SCAPER: variants seen among roughly 807,000 people sequenced by gnomAD.
The protein encoded by SCAPER is S-phase cyclin A associated protein in the ER, also known as S phase cyclin A-associated protein in the endoplasmic reticulum.
SCAPER carries 98 observed loss-of-function variants against 182.2 expected under a neutral mutation model. The ratio of observed to expected loss-of-function variants is 0.54; its 90% CI spans 0.46 to 0.64. The LOEUF (loss-of-function observed/expected upper bound fraction) is 0.64. SCAPER is among the 30% of genes least tolerant of loss of function. SCAPER has a pLI of 0.00. For synonymous variants in SCAPER, 605 were observed against 564.6 expected (o/e 1.07, Z -1.01); for missense variants, 1,432 against 1,690.0 (o/e 0.85, Z 2.68).
intron 4 of SCAPER, among the ~76,000 whole-genome samples, chr15:76,851,477 T>C (rs1464299803): frequency 6.6e-6 from 1 of 152,110 alleles, no homozygotes; most frequent in Non-Finnish European, 1.5e-5. Flanking sequence ...GGGAACCTCA[T>C]AAAGCTAACA....
intron 23 of SCAPER, 77 bp from the exon 24 acceptor site, chr15:76,505,051 A>G: frequency 1.0e-6 from 1 of 954,370 alleles, no homozygotes; most frequent in Non-Finnish European, 1.6e-6. Context: ...TGTAGTCTGA[A>G]ACATACTGAT....
In SCAPER at chr15:76,491,711, A is replaced by C. The variant is rs118144587; in HGVS notation, c.2954+13148T>G. 9.8e-3 allele frequency among the ~76,000 whole-genome samples: 1,495 copies of C among 152,256 alleles called. 6 individuals carry two copies. Among genetic ancestry groups the C allele is most frequent in the Non-Finnish European group, 0.016 (1,091 of 68,022 alleles). On this transcript the variant is annotated intron_variant, in intron 24 of 31. Transcript: ENST00000563290. ...CAGTGGTGTGACCTAAGCTCACTGC[A>C]ACCCCCGCCTCCTGGGTTTAAGTGA...
intron 22 of SCAPER, among the ~76,000 whole-genome samples, chr15:76,608,077 C>G (rs1017475079): frequency 6.6e-6 from 1 of 152,206 alleles, no homozygotes; most frequent in Non-Finnish European, 1.5e-5. Context: ...CGTTCCTTTG[C>G]AGGAGGAGAG....
chr15:76,712,674 C>T (rs1219811601), intron 17 of SCAPER, among the ~76,000 whole-genome samples: 1 of 151,960 alleles, frequency 6.6e-6, no homozygotes, highest in Admixed American at 6.6e-5. Context: ...AGTTGGATTC[C>T]TAGGTATTTT....
chr15:76,667,430 T>C (rs933337180), intron 20 of SCAPER, among the ~76,000 whole-genome samples: 1 of 152,042 alleles, frequency 6.6e-6, no homozygotes, highest in South Asian at 2.1e-4. Context: ...ACTCACCTAA[T>C]GCAGTAACTT....
intron 4 of SCAPER, among the ~76,000 whole-genome samples, chr15:76,851,371 C>T (rs2070738899): frequency 6.6e-6 from 1 of 151,880 alleles, no homozygotes; most frequent in African/African-American, 2.4e-5. Flanking sequence ...AAGATCAACC[C>T]CCAAGACATG....
intron 23 of SCAPER, among the ~76,000 whole-genome samples, chr15:76,545,444 C>T (rs944169437): frequency 2.6e-5 from 4 of 152,022 alleles, no homozygotes; most frequent in South Asian, 2.1e-4. Context: ...CCTTTGATGC[C>T]GTTATAGTGT....
chr15:76,422,269 T>C (rs931953535), intron 26 of SCAPER, among the ~76,000 whole-genome samples: 3 of 152,206 alleles, frequency 2.0e-5, no homozygotes, highest in Non-Finnish European at 4.4e-5. Flanking sequence ...TGTTCTTTCA[T>C]TTGTTTGTGT....
At chr15:76,466,419 C>CTTTTTTTTTTTTTTTTTTTTTTTTTTT in intron 25 of SCAPER, among the ~76,000 whole-genome samples, 38 of 37,410 alleles carry the variant, frequency 1.0e-3, no homozygotes, top group South Asian at 1.7e-3. Context: ...GTTGGTTCTT[C>CTTTTTTTTTTTTTTTTTTTTTTTTTTT]TTTTTTTTTT....
At chr15:76,414,539 C>T (rs1192910280) in intron 26 of SCAPER, among the ~76,000 whole-genome samples, 1 of 151,632 alleles carries the variant, frequency 6.6e-6, no homozygotes, top group East Asian at 1.9e-4. Flanking sequence ...ACGATGGAAG[C>T]CAGAAGACCA....
chr15:76,841,865 T>C lies in SCAPER; in HGVS notation c.262A>G (p.Thr88Ala). 6.2e-7 allele frequency: 1 copy of C among 1,613,946 alleles called. No homozygotes were observed. Residue 88 changes from threonine to alanine, a missense_variant, in exon 5 of 32, where the codon ACT (threonine) becomes GCT (alanine). This residue lies in a region of SCAPER where 480 missense variants were observed against 510.2 expected (regional missense o/e 0.94). Coordinates refer to ENST00000563290, the MANE Select transcript of SCAPER (RefSeq NM_020843.4). ...TGDKHFDKSP[T>A]KTRHPRKIDL... is the part of the protein sequence containing the mutation. ...ATTTTCCGAGGGTGCCTTGTTTTAG[T>C]GGGACTTTTATCAAAGTGTTTATCT...
At chr15:76,445,026 G>A (rs1375280574) in intron 25 of SCAPER, among the ~76,000 whole-genome samples, 2 of 152,034 alleles carry the variant, frequency 1.3e-5, no homozygotes, top group African/African-American at 4.8e-5. Context: ...GTGGTTTCTG[G>A]TCACATGGAT....
At chr15:76,853,241 C>T (rs902647962) in intron 4 of SCAPER, among the ~76,000 whole-genome samples, 2 of 152,122 alleles carry the variant, frequency 1.3e-5, no homozygotes, top group African/African-American at 2.4e-5. Context: ...CCAAATTCTA[C>T]CAGATATACA....
intron 26 of SCAPER, among the ~76,000 whole-genome samples, chr15:76,405,120 T>C (rs1452086190): frequency 6.8e-6 from 1 of 147,806 alleles, no homozygotes; most frequent in Non-Finnish European, 1.5e-5. Flanking sequence ...TTTTTTTTTT[T>C]TTTTTTTTTT....
intron 21 of SCAPER, among the ~76,000 whole-genome samples, chr15:76,624,168 C>T (rs2052359683): frequency 6.6e-6 from 1 of 152,150 alleles, no homozygotes; most frequent in Non-Finnish European, 1.5e-5. Context: ...CCAAAAGGCT[C>T]CTAGAACCGA....
At chr15:76,411,504 T>C (rs2045285299) in intron 26 of SCAPER, among the ~76,000 whole-genome samples, 1 of 152,196 alleles carries the variant, frequency 6.6e-6, no homozygotes, top group Non-Finnish European at 1.5e-5. Context: ...CTGTATGCTA[T>C]GATTTGTTTG....
At chr15:76,669,260 A>G (rs188948457) in intron 20 of SCAPER, among the ~76,000 whole-genome samples, 30 of 152,312 alleles carry the variant, frequency 2.0e-4, no homozygotes, top group Admixed American at 1.8e-3. Flanking sequence ...ACAAATGAAG[A>G]AAGTATTCTC....
At chr15:76,822,120 T>C (rs2067618000) in intron 5 of SCAPER, among the ~76,000 whole-genome samples, 2 of 152,180 alleles carry the variant, frequency 1.3e-5, no homozygotes, top group Non-Finnish European at 1.5e-5. Context: ...TCATAGAACG[T>C]ATAAGACCAA....
chr15:76,706,051 A>G (rs2059247208), intron 17 of SCAPER, 67 bp from the exon 18 acceptor site: 4 of 1,269,142 alleles, frequency 3.2e-6, no homozygotes, highest in Non-Finnish European at 4.3e-6. Context: ...AGACTCAAAA[A>G]TACAATTAGG....
Sources: allele counts gnomAD v4.1 joint callset (sites outside exome capture counted in the v4.1 genomes callset), GRCh38; gene constraint gnomAD v4.1.1; regional missense constraint gnomAD v4.1.1; transcripts MANE v1.5; gene names NCBI Gene and HGNC (gene_info 2026-07-23, HGNC 2026-07-21).